SRGAP2C: variants seen among roughly 807,000 people sequenced by gnomAD.
The protein encoded by SRGAP2C is SLIT-ROBO Rho GTPase activating protein 2C.
Under a neutral mutation model 25.1 loss-of-function variants are expected in SRGAP2C, and 15 were observed. The ratio of observed to expected loss-of-function variants is 0.60; its 90% CI spans 0.40 to 0.92. The LOEUF (loss-of-function observed/expected upper bound fraction) is 0.92, where lower values mean the gene tolerates loss of function less well. Among genes scored for constraint, SRGAP2C ranks in the 40% least tolerant of loss-of-function variants. The probability of loss-of-function intolerance (pLI) is 0.00; values close to 1 mark genes in which losing one functional copy is unlikely to be tolerated. For missense variants in SRGAP2C, 144 were observed against 264.4 expected (o/e 0.54, Z 3.16); for synonymous variants, 44 against 96.6 (o/e 0.46, Z 3.19).
intron 2 of SRGAP2C, among the ~76,000 whole-genome samples, chr1:121,270,356 C>G (rs1441380551): frequency 6.6e-6 from 1 of 150,572 alleles, no homozygotes; most frequent in Non-Finnish European, 1.5e-5. Flanking sequence ...TGTTAGCAAT[C>G]CATTGATTCT....
intron 2 of SRGAP2C, among the ~76,000 whole-genome samples, chr1:121,282,794 G>A (rs1657279574): frequency 1.4e-5 from 2 of 146,196 alleles, no homozygotes; most frequent in Admixed American, 1.4e-4. Context: ...TTCTGACCTT[G>A]TGATCCGCCC....
intron 3 of SRGAP2C, among the ~76,000 whole-genome samples, chr1:121,304,039 C>T (rs1333748179): frequency 3.3e-5 from 3 of 91,010 alleles, no homozygotes; most frequent in African/African-American, 1.1e-4. Flanking sequence ...CCTGTCTCTA[C>T]TAAAAAATAC....
At chr1:121,208,138 CCAAA>C (rs1333781345) in intron 2 of SRGAP2C, among the ~76,000 whole-genome samples, 2 of 152,200 alleles carry the variant, frequency 1.3e-5, no homozygotes, top group South Asian at 4.2e-4. Context: ...ATTACATAAC[CCAAA>C]CAAATATATA....
chr1:121,185,020 C>T lies in SRGAP2C; in HGVS notation c.-647C>T. On this transcript the variant is annotated 5_prime_UTR_variant, in exon 1 of 10. Coordinates refer to ENST00000367123, the MANE Select transcript of SRGAP2C (RefSeq NM_001329984.2). The stretch of plus-strand genomic sequence containing the variant: ...GAGGCGGCGGAGGCTCCTCCAGGGA[C>T]TGGGGCACCGATCTGCGTAGAAACG... 1 of 517,506 alleles carries T rather than the reference C, an allele frequency of 1.9e-6. No homozygotes were observed. Among genetic ancestry groups the T allele is most frequent in the Non-Finnish European group, 3.4e-6 (1 of 294,874 alleles). The allele number at this position is 517,506 out of a possible 1,614,324, so 32.1% of individuals were successfully genotyped here. A position where few individuals can be genotyped will look rare whatever the true frequency, so the allele number is the denominator to read the frequency against.
At chr1:121,371,058 T>G (rs1449118924) in intron 5 of SRGAP2C, among the ~76,000 whole-genome samples, 1 of 152,068 alleles carries the variant, frequency 6.6e-6, no homozygotes, top group Non-Finnish European at 1.5e-5. Flanking sequence ...CAAAGTAAAG[T>G]GGAATATTCT....
chr1:121,260,421 T>C (rs11249394), intron 2 of SRGAP2C, among the ~76,000 whole-genome samples: 2,403 of 131,586 alleles, frequency 0.018, no homozygotes, highest in African/African-American at 0.059. Flanking sequence ...GGGAATGAGG[T>C]GGAAGTACTA....
chr1:121,311,022 C>T (rs1657969311), intron 3 of SRGAP2C, among the ~76,000 whole-genome samples: 1 of 19,298 alleles, frequency 5.2e-5, no homozygotes, highest in African/African-American at 2.0e-4. Context: ...GCAGTATGGC[C>T]ATTTTCACGA....
chr1:121,275,641 T>C (rs2101555407), intron 2 of SRGAP2C, among the ~76,000 whole-genome samples: 1 of 151,062 alleles, frequency 6.6e-6, no homozygotes, highest in African/African-American at 2.4e-5. Context: ...GTAGTCACGA[T>C]GATATTGAAA....
chr1:121,328,906 CAA>C lies in SRGAP2C; in HGVS notation c.423+4271_423+4272del, dbSNP rs1191346242. Among the ~76,000 whole-genome samples the C allele has an allele frequency of 2.3e-3, 276 of 119,452 alleles. 1 individual carries two copies. The highest frequency in any genetic ancestry group is 7.4e-3 in the African/African-American group (224 of 30,308). The allele number at this position is 119,452 out of a possible 152,430, so 78.4% of individuals were successfully genotyped here. A position where few individuals can be genotyped will look rare whatever the true frequency, so the allele number is the denominator to read the frequency against. On this transcript the variant is annotated intron_variant, in intron 4 of 9. Coordinates refer to ENST00000367123, the MANE Select transcript of SRGAP2C (RefSeq NM_001329984.2). ...TGTCTGTTTAAAAAAAAAAAAAAAACAAAAAACAAAAAACAAAACAGAGGGCT... is the reference window on the plus strand; with the variant it reads ...TGTCTGTTTAAAAAAAAAAAAAAAACAAAACAAAAAACAAAACAGAGGGCT...
At position 121,209,369 on chromosome 1, in the gene SRGAP2C, CT is replaced by C. The variant is rs1322314230; in HGVS notation, c.67+21857del. Among the ~76,000 whole-genome samples, 5 of 71,500 alleles carry C rather than the reference CT, an allele frequency of 7.0e-5. No homozygotes were observed. In the East Asian group the frequency reaches 2.6e-3, roughly 37 times the overall value. The allele number at this position is 71,500 out of a possible 152,430, so 46.9% of individuals were successfully genotyped here. A position where few individuals can be genotyped will look rare whatever the true frequency, so the allele number is the denominator to read the frequency against. On this transcript the variant is annotated intron_variant, in intron 2 of 9. Coordinates refer to ENST00000367123, the MANE Select transcript of SRGAP2C (RefSeq NM_001329984.2). The stretch of plus-strand genomic sequence containing the variant: ...ACCTTGAAAGCTTCTAAAAGTGCCC[CT>C]AAGCCTCCTTTTGAATCACTAAAAG...
Position 121,338,665 on chromosome 1 carries a change from G to A in SRGAP2C, c.423+14025G>A, listed in dbSNP as rs1363442043. ...GAAACTTCCAGTTATAGATTAATTTGAATTCTTTGCACTAATTGTTTAAAA... is the reference window on the plus strand; with the variant it reads ...GAAACTTCCAGTTATAGATTAATTTAAATTCTTTGCACTAATTGTTTAAAA... On this transcript the variant is annotated intron_variant, in intron 4 of 9. Transcript: ENST00000367123. Among the ~76,000 whole-genome samples, 9 of 111,250 alleles carry A rather than the reference G, an allele frequency of 8.1e-5. No homozygotes were observed. The South Asian group carries it at 9.2e-4, about 11-fold the overall frequency. 73.0% of individuals were successfully genotyped at this position (111,250 alleles called of 152,430 possible). A position where few individuals can be genotyped will look rare whatever the true frequency, so the allele number is the denominator to read the frequency against.
At chr1:121,278,507 G>A (rs1657164133) in intron 2 of SRGAP2C, among the ~76,000 whole-genome samples, 1 of 148,328 alleles carries the variant, frequency 6.7e-6, no homozygotes, top group Non-Finnish European at 1.5e-5. Context: ...AACCTTGTTT[G>A]TTACCGTTTT....
At chr1:121,190,035 A>G (rs1324556102) in intron 2 of SRGAP2C, among the ~76,000 whole-genome samples, 2 of 151,018 alleles carry the variant, frequency 1.3e-5, no homozygotes, top group African/African-American at 4.9e-5. Context: ...GCGATTGGCC[A>G]TACAGCTGTG....
chr1:121,212,941 G>C (rs1440516649), intron 2 of SRGAP2C, among the ~76,000 whole-genome samples: 2 of 138,334 alleles, frequency 1.4e-5, no homozygotes, highest in African/African-American at 5.3e-5. Flanking sequence ...AAGTAAGCAG[G>C]TATATGGGGC....
rs1174030662 is a variant in SRGAP2C, at chr1:121,390,702, C to T, written c.*2847C>T. The T allele has an allele frequency of 2.6e-5, 3 of 117,340 alleles. No homozygotes were observed. The highest frequency in any genetic ancestry group is 3.0e-4 in the South Asian group (1 of 3,306). 7.3% of individuals were successfully genotyped at this position (117,340 alleles called of 1,614,324 possible). On this transcript the variant is annotated 3_prime_UTR_variant, in exon 10 of 10. Transcript: ENST00000367123. ...AATTGTGGAGTTAAGAAACTTGAAG[C>T]GATTTTTAAAAATTACCTAACCCAA... is the stretch of plus-strand genomic sequence containing the variant.
At chr1:121,264,882 G>T (rs1656729156) in intron 2 of SRGAP2C, among the ~76,000 whole-genome samples, 1 of 117,388 alleles carries the variant, frequency 8.5e-6, no homozygotes, top group Non-Finnish European at 1.8e-5. Flanking sequence ...TATTAGACTG[G>T]TATTTCCCAA....
At chr1:121,306,633 TTCCCTCCC>T (rs1189739247) in intron 3 of SRGAP2C, among the ~76,000 whole-genome samples, 1 of 149,092 alleles carries the variant, frequency 6.7e-6, no homozygotes, top group Non-Finnish European at 1.5e-5. Context: ...GTTTCCCCGC[TTCCCTCCC>T]TCCCTCCCTC....
intron 2 of SRGAP2C, among the ~76,000 whole-genome samples, chr1:121,258,135 T>C: frequency 1.3e-5 from 2 of 151,126 alleles, no homozygotes; most frequent in African/African-American, 4.8e-5. Flanking sequence ...AATTGTTTTA[T>C]GGCCTCATCC....
At chr1:121,279,023 C>T (rs1657176512) in intron 2 of SRGAP2C, among the ~76,000 whole-genome samples, 1 of 152,128 alleles carries the variant, frequency 6.6e-6, no homozygotes, top group Admixed American at 6.6e-5. Flanking sequence ...TGTGAAGGGG[C>T]TAAAAGCAGG....
Sources: gnomAD v4.1 joint callset for allele counts (sites outside exome capture counted in the v4.1 genomes callset) on GRCh38, gnomAD v4.1.1 for gene constraint, MANE v1.5 for transcripts, NCBI Gene and HGNC (gene_info 2026-07-23, HGNC 2026-07-21) for gene names.